EYS: variants seen among roughly 807,000 people sequenced by gnomAD.
EYS encodes the protein protein eyes shut homolog.
A neutral mutation model predicts 282.1 loss-of-function variants in EYS; 250 were observed. The ratio of observed to expected loss-of-function variants is 0.89; its 90% CI spans 0.80 to 0.98. EYS has a LOEUF of 0.98. EYS is among the 50% of genes least tolerant of loss of function. The pLI is 0.00. For missense variants in EYS, 4,016 were observed against 3,709.0 expected, an observed-to-expected ratio of 1.08 and a Z score of -2.15; for synonymous variants, 1,355 against 1,282.9, an observed-to-expected ratio of 1.06 and a Z score of -1.20.
intron 26 of EYS, among the ~76,000 whole-genome samples, chr6:64,451,542 C>A (rs1174664497): frequency 6.6e-6 from 1 of 152,096 alleles, no homozygotes; most frequent in Non-Finnish European, 1.5e-5. Context: ...CAAAGCCTGG[C>A]AAAGACACAA....
chr6:64,267,750 T>A (rs1435886581), intron 30 of EYS, among the ~76,000 whole-genome samples: 1 of 151,832 alleles, frequency 6.6e-6, no homozygotes, highest in Non-Finnish European at 1.5e-5. Flanking sequence ...AAAAAGCCAA[T>A]GAAAAAATAA....
At chr6:65,607,492 G>A (rs1409836034) in intron 2 of EYS, among the ~76,000 whole-genome samples, 2 of 151,596 alleles carry the variant, frequency 1.3e-5, no homozygotes, top group Non-Finnish European at 2.9e-5. Context: ...ATTTATTTTT[G>A]TCTGTTTATT....
rs1054589961 is a variant in EYS, at chr6:63,902,787, A to G, written c.7056-38429T>C. Among the ~76,000 whole-genome samples the G allele has an allele frequency of 4.6e-5, 7 of 152,228 alleles. No homozygotes were observed. In the South Asian group the frequency reaches 1.0e-3, roughly 22 times the overall value. On this transcript the variant is annotated intron_variant, in intron 35 of 42. Coordinates refer to ENST00000503581, the MANE Select transcript of EYS (RefSeq NM_001142800.2). ...ATGCTAAAAATATTGACTGTAGAAT[A>G]AGGCATAAAAATGGCAATAGAGCAA...
chr6:64,861,531 C>G (rs1766238883), intron 19 of EYS, among the ~76,000 whole-genome samples: 1 of 152,136 alleles, frequency 6.6e-6, no homozygotes, highest in African/African-American at 2.4e-5. Flanking sequence ...CCCAAGAGCT[C>G]AGGGATGCCT....
At chr6:65,540,880 G>A (rs977162296) in intron 2 of EYS, among the ~76,000 whole-genome samples, 7 of 152,056 alleles carry the variant, frequency 4.6e-5, no homozygotes, top group Non-Finnish European at 8.8e-5. Flanking sequence ...CCGAGATCAC[G>A]CCATTGCACA....
intron 1 of EYS, among the ~76,000 whole-genome samples, chr6:65,686,754 A>G (rs1459655191): frequency 6.6e-6 from 1 of 152,114 alleles, no homozygotes; most frequent in African/African-American, 2.4e-5. Context: ...AATAGTAGCC[A>G]TGTGTTGTAT....
intron 22 of EYS, among the ~76,000 whole-genome samples, chr6:64,812,137 C>T (rs1222975223): frequency 6.6e-6 from 1 of 151,718 alleles, no homozygotes; most frequent in East Asian, 1.9e-4. Context: ...ATATAATTTC[C>T]ATTTGTATAA....
intron 26 of EYS, among the ~76,000 whole-genome samples, chr6:64,535,381 C>A (rs935719837): frequency 6.6e-6 from 1 of 152,000 alleles, no homozygotes; most frequent in African/African-American, 2.4e-5. Flanking sequence ...AGTTGAAGAA[C>A]AGAATAACAT....
intron 35 of EYS, among the ~76,000 whole-genome samples, chr6:63,881,182 T>A (rs763640545): frequency 6.6e-6 from 1 of 152,196 alleles, no homozygotes; most frequent in Non-Finnish European, 1.5e-5. Context: ...GGGGGGATCG[T>A]TTTAAGCTTC....
chr6:64,728,570 C>T (rs866712381), intron 22 of EYS, among the ~76,000 whole-genome samples: 6 of 152,238 alleles, frequency 3.9e-5, no homozygotes, highest in South Asian at 2.1e-4. Flanking sequence ...CTCCTGACCT[C>T]GTGATCTGCC....
intron 28 of EYS, among the ~76,000 whole-genome samples, chr6:64,401,963 A>C (rs2150436762): frequency 6.6e-6 from 1 of 152,254 alleles, no homozygotes; most frequent in Admixed American, 6.5e-5. Flanking sequence ...TTATTTGGTT[A>C]TCTATATCTA....
intron 7 of EYS, among the ~76,000 whole-genome samples, chr6:65,402,141 A>ATATTTC (rs1285220884): frequency 4.6e-5 from 7 of 151,676 alleles, no homozygotes; most frequent in African/African-American, 9.7e-5. Flanking sequence ...TGTATAACAA[A>ATATTTC]AATAATACTA....
At chr6:63,916,771 G>A (rs1764433664) in intron 35 of EYS, among the ~76,000 whole-genome samples, 1 of 152,152 alleles carries the variant, frequency 6.6e-6, no homozygotes, top group Non-Finnish European at 1.5e-5. Flanking sequence ...CCGATTTGCT[G>A]TTGTAGCATA....
chr6:63,945,239 C>T (rs1765361218), intron 35 of EYS, among the ~76,000 whole-genome samples: 1 of 152,070 alleles, frequency 6.6e-6, no homozygotes, highest in Admixed American at 6.6e-5. Flanking sequence ...CATCCTTCTC[C>T]ACATGGCGGC....
At chr6:63,819,263 C>A (rs1205614174) in intron 36 of EYS, among the ~76,000 whole-genome samples, 1 of 152,146 alleles carries the variant, frequency 6.6e-6, no homozygotes, top group African/African-American at 2.4e-5. Flanking sequence ...CCCTTCATAC[C>A]TGTTTGTGTG....
At chr6:65,189,010 A>G (rs1236521706) in intron 12 of EYS, among the ~76,000 whole-genome samples, 3 of 151,688 alleles carry the variant, frequency 2.0e-5, no homozygotes, top group Non-Finnish European at 4.4e-5. Flanking sequence ...GTAACCATAT[A>G]AAATTAATAT....
At chr6:63,802,547 A>T (rs1156910560) in intron 37 of EYS, among the ~76,000 whole-genome samples, 1 of 152,026 alleles carries the variant, frequency 6.6e-6, no homozygotes, top group Non-Finnish European at 1.5e-5. Context: ...CTAATTTTTG[A>T]TTCAAGAAGG....
chr6:65,201,710 C>A (rs184584551), intron 12 of EYS, among the ~76,000 whole-genome samples: 1 of 151,872 alleles, frequency 6.6e-6, no homozygotes, highest in East Asian at 1.9e-4. Flanking sequence ...CTGTTTTGTC[C>A]TATAACTATT....
At chr6:64,654,242 C>G (rs1300666156) in intron 22 of EYS, among the ~76,000 whole-genome samples, 1 of 152,062 alleles carries the variant, frequency 6.6e-6, no homozygotes, top group African/African-American at 2.4e-5. Context: ...TATAAAAGTT[C>G]AATTGTCTAA....
Sources: allele counts gnomAD v4.1 joint callset (sites outside exome capture counted in the v4.1 genomes callset), GRCh38; gene constraint gnomAD v4.1.1; transcripts MANE v1.5; gene names NCBI Gene and HGNC (gene_info 2026-07-23, HGNC 2026-07-21).